Variants in KIAA0408 observed in about 807,000 individuals in gnomAD.
The protein encoded by KIAA0408 is KIAA0408, also known as uncharacterized protein KIAA0408.
A neutral mutation model predicts 60.9 loss-of-function variants in KIAA0408; 51 were observed. That is an observed-to-expected ratio of 0.84 (90% CI 0.67 to 1.06). The LOEUF (loss-of-function observed/expected upper bound fraction) is 1.06. KIAA0408 is among the 50% of genes least tolerant of loss of function. The pLI, the probability that KIAA0408 is intolerant of heterozygous loss-of-function variation, is 0.00. For synonymous variants in KIAA0408, 304 were observed against 282.4 expected (o/e 1.08, Z -0.77); for missense variants, 787 against 833.9 (o/e 0.94, Z 0.69).
rs763575072 is a variant in KIAA0408, at chr6:127,446,462, A to G, written c.1857T>C (p.Ala619=). The change falls in exon 5 of 6, where the codon GCT becomes GCC. Residue 619 remains alanine (A), a synonymous_variant. Transcript: ENST00000483725. ...GCTTCACTTCCTGTCCCCCCCACAC[A>G]GCTGTCTTTTGCTGAAACTGTTGTT... ...QMEQQFQQKT[A]VWGGQEVKQG... is the part of the protein sequence containing the mutation. 1.4e-5 allele frequency: 23 copies of G among 1,613,850 alleles called. No homozygotes were observed. The South Asian group carries it at 2.0e-4, about 14-fold the overall frequency.
intron 2 of KIAA0408, chr6:127,451,144 A>G (rs1455122366): frequency 5.4e-6 from 2 of 369,816 alleles, no homozygotes; most frequent in Non-Finnish European, 1.1e-5. Context: ...TGGGTCATGT[A>G]AAAGCTTGTC....
rs1219664461 is a variant in KIAA0408 at position 127,439,238 on chromosome 6, G to A, written c.*4871C>T. On this transcript the variant is annotated 3_prime_UTR_variant, in exon 6 of 6. Coordinates refer to ENST00000483725, the MANE Select transcript of KIAA0408 (RefSeq NM_014702.5). ...CAAATGAGCCAAGATAATACTTCAAGCAAACTGCTTTTATTTATTCTGGAG... is the reference window on the plus strand; with the variant it reads ...CAAATGAGCCAAGATAATACTTCAAACAAACTGCTTTTATTTATTCTGGAG... The A allele has an allele frequency of 6.6e-6, 1 of 152,178 alleles. No homozygotes were observed. The highest frequency in any genetic ancestry group is 1.9e-4 in the East Asian group (1 of 5,204). 9.4% of individuals were successfully genotyped at this position (152,178 alleles called of 1,614,324 possible). A position where few individuals can be genotyped will look rare whatever the true frequency, so the allele number is the denominator to read the frequency against.
At position 127,453,902 on chromosome 6, in the gene KIAA0408, T is replaced by C. The variant is rs561834562; in HGVS notation, c.80A>G (p.Asn27Ser). Residue 27 changes from asparagine (N) to serine (S), a missense_variant, in exon 2 of 6, where the codon AAT (asparagine) becomes AGT (serine). This residue lies in a region of KIAA0408 where 640 missense variants were observed against 681.3 expected (regional missense o/e 0.94). Transcript: ENST00000483725. ...EKMELLDQFD[N>S]ERKEWESQWK... ...TTGACTTTCCCATTCCTTTCTTTCA[T>C]TGTCAAACTGGTCCAGTAATTCCAT... The C allele has an allele frequency of 1.2e-6, 2 of 1,613,058 alleles. No individual in the cohort carries two copies. Among genetic ancestry groups the C allele is most frequent in the East Asian group, 2.2e-5 (1 of 44,846 alleles).
In KIAA0408 at chr6:127,446,511, T is replaced by C; in HGVS notation, c.1808A>G (p.Gln603Arg). The C allele has an allele frequency of 6.2e-7, 1 of 1,614,202 alleles. No homozygotes were observed. Among genetic ancestry groups the C allele is most frequent in the Non-Finnish European group, 8.5e-7 (1 of 1,180,026 alleles). The change falls in exon 5 of 6, where the codon CAG (glutamine) becomes CGG (arginine). Residue 603 changes from glutamine to arginine, a missense_variant. Coordinates refer to ENST00000483725, the MANE Select transcript of KIAA0408 (RefSeq NM_014702.5). Reference sequence around the variant, plus strand: ...TTCCATTTGGAGCATTTCTAAATGCTGACTTAATGTGGCACCACCACTGAC... The same window carrying C: ...TTCCATTTGGAGCATTTCTAAATGCCGACTTAATGTGGCACCACCACTGAC... Reference protein sequence around the residue: ...SDVSGGATLSQHLEMLQMEQQ... With the variant: ...SDVSGGATLSRHLEMLQMEQQ...
chr6:127,444,685 T>C lies in KIAA0408; in HGVS notation c.1912-403A>G, dbSNP rs1773159438. On this transcript the variant is annotated intron_variant, in intron 5 of 5. Transcript: ENST00000483725. ...TAATTTATAGAAGAAACTGTTCATTTATGTCAAATTCATTGACACTTTTAG... is the reference window on the plus strand; with the variant it reads ...TAATTTATAGAAGAAACTGTTCATTCATGTCAAATTCATTGACACTTTTAG... Among the ~76,000 whole-genome samples, 9 of 152,218 alleles carry C rather than the reference T, an allele frequency of 5.9e-5. No individual in the cohort carries two copies. The South Asian group carries it at 1.9e-3, about 32-fold the overall frequency.
chr6:127,457,874 T>C (rs1381429180), intron 1 of KIAA0408, among the ~76,000 whole-genome samples: 1 of 152,204 alleles, frequency 6.6e-6, no homozygotes, highest in Admixed American at 6.5e-5. Flanking sequence ...CATTGAAAAC[T>C]GGACTGCATC....
intron 5 of KIAA0408, among the ~76,000 whole-genome samples, chr6:127,445,327 T>C (rs1172585365): frequency 6.6e-6 from 1 of 152,206 alleles, no homozygotes; most frequent in Non-Finnish European, 1.5e-5. Context: ...TTGGTTATTG[T>C]ACAGATATAT....
chr6:127,448,884 T>C (rs1339055641), intron 4 of KIAA0408, among the ~76,000 whole-genome samples: 1 of 152,192 alleles, frequency 6.6e-6, no homozygotes, highest in Non-Finnish European at 1.5e-5. Flanking sequence ...AATCCATCTT[T>C]ACTAAACTTG....
intron 4 of KIAA0408, among the ~76,000 whole-genome samples, chr6:127,449,284 A>G (rs1040487937): frequency 3.3e-5 from 5 of 152,220 alleles, no homozygotes; most frequent in African/African-American, 1.2e-4. Flanking sequence ...GAAAAAGAGT[A>G]AAGTATTACT....
Position 127,450,281 on chromosome 6 carries a change from A to C in KIAA0408, c.207T>G (p.His69Gln). The change falls in exon 3 of 6, where the codon CAT becomes CAG. Residue 69 changes from histidine (H) to glutamine (Q), a missense_variant. His to Gln is a conservative substitution (Grantham distance 24). Coordinates refer to ENST00000483725, the MANE Select transcript of KIAA0408 (RefSeq NM_014702.5). ...TCACTTTCTCTGGAATGGTCTTCTC[A>C]TGGTAAAGATCAATGATCTTAGCAC... ...NESAKIIDLYHEKTIPEKVIE... is the reference protein window; with the variant it reads ...NESAKIIDLYQEKTIPEKVIE... The C allele has an allele frequency of 6.2e-7, 1 of 1,613,760 alleles. No individual in the cohort carries two copies.
At chr6:127,445,002 A>C (rs562088251) in intron 5 of KIAA0408, among the ~76,000 whole-genome samples, 1 of 152,144 alleles carries the variant, frequency 6.6e-6, no homozygotes, top group African/African-American at 2.4e-5. Flanking sequence ...CAAAGCTTCC[A>C]TGACACACTT....
rs575346250 is a variant in KIAA0408, at chr6:127,440,287, T to G, written c.*3822A>C. 1 of 151,958 alleles carries G rather than the reference T, an allele frequency of 6.6e-6. No individual in the cohort carries two copies. Among genetic ancestry groups the G allele is most frequent in the Admixed American group, 6.6e-5 (1 of 15,246 alleles). The allele number at this position is 151,958 out of a possible 1,614,324, so 9.4% of individuals were successfully genotyped here. ...AAGCACATTTTCTTGTAGGAACATA[T>G]TTTCAGGGTGAGATGAACAAGTCAT... On this transcript the variant is annotated 3_prime_UTR_variant, in exon 6 of 6. Coordinates refer to ENST00000483725, the MANE Select transcript of KIAA0408 (RefSeq NM_014702.5).
rs528888166 is a variant in KIAA0408 at position 127,450,281 on chromosome 6, A to G, written c.207T>C (p.His69=). 5 of 1,613,642 alleles carry G rather than the reference A, an allele frequency of 3.1e-6. No individual in the cohort carries two copies. The highest frequency in any genetic ancestry group is 4.2e-6 in the Non-Finnish European group (5 of 1,179,936). ...NESAKIIDLY[H]EKTIPEKVIE... ...TCACTTTCTCTGGAATGGTCTTCTCATGGTAAAGATCAATGATCTTAGCAC... is the reference window on the plus strand; with the variant it reads ...TCACTTTCTCTGGAATGGTCTTCTCGTGGTAAAGATCAATGATCTTAGCAC... The change falls in exon 3 of 6, where the codon CAT becomes CAC. Residue 69 remains histidine (H), a synonymous_variant. Transcript: ENST00000483725.
Position 127,447,388 on chromosome 6 carries a change from G to C in KIAA0408, c.931C>G (p.Pro311Ala). 3 of 1,612,516 alleles carry C rather than the reference G, an allele frequency of 1.9e-6. No homozygotes were observed. The highest frequency in any genetic ancestry group is 2.5e-6 in the Non-Finnish European group (3 of 1,179,562). The stretch of plus-strand genomic sequence containing the variant: ...TCTTGTTGTCTCAAAGGGAAGTGAG[G>C]GTTGTAATTCCTTTTACTTCGACCC... ...HEGRSKRNYN[P>A]HFPLRQQEMS... Residue 311 changes from proline (P) to alanine (A), a missense_variant, in exon 5 of 6, where the codon CCT (proline) becomes GCT (alanine). Pro to Ala is a conservative substitution (Grantham distance 27). This residue lies in a region of KIAA0408 where 640 missense variants were observed against 681.3 expected (regional missense o/e 0.94). Transcript: ENST00000483725.
chr6:127,458,262 A>G (rs1427308637), intron 1 of KIAA0408, among the ~76,000 whole-genome samples: 1 of 152,202 alleles, frequency 6.6e-6, no homozygotes, highest in Non-Finnish European at 1.5e-5. Context: ...TGAATTAATA[A>G]ATCTCATTCC....
At chr6:127,454,317 A>G in intron 1 of KIAA0408, 1 of 212,548 alleles carries the variant, frequency 4.7e-6, no homozygotes, top group South Asian at 1.6e-4. Context: ...ACCAGACAGC[A>G]AAATTATAGT....
chr6:127,441,838 G>A lies in KIAA0408; in HGVS notation c.*2271C>T, dbSNP rs909513080. Reference sequence around the variant, plus strand: ...GTTTTACAATCAAGGAGTTGGACTAGATGCTATTTTTTTTTTCTCAGCTCT... The same window carrying A: ...GTTTTACAATCAAGGAGTTGGACTAAATGCTATTTTTTTTTTCTCAGCTCT... On this transcript the variant is annotated 3_prime_UTR_variant, in exon 6 of 6. Coordinates refer to ENST00000483725, the MANE Select transcript of KIAA0408 (RefSeq NM_014702.5). The A allele has an allele frequency of 2.0e-5, 3 of 152,050 alleles. No homozygotes were observed. The highest frequency in any genetic ancestry group is 2.9e-5 in the Non-Finnish European group (2 of 68,002). 9.4% of individuals were successfully genotyped at this position (152,050 alleles called of 1,614,324 possible). A position where few individuals can be genotyped will look rare whatever the true frequency, so the allele number is the denominator to read the frequency against.
In KIAA0408 at chr6:127,442,957, T is replaced by C. The variant is rs746456710; in HGVS notation, c.*1152A>G. ...CCAAAATACACATTTCTATTCCTGA[T>C]GCTACTGTGGATGTCAAGGTTTAGT... On this transcript the variant is annotated 3_prime_UTR_variant, in exon 6 of 6. Coordinates refer to ENST00000483725, the MANE Select transcript of KIAA0408 (RefSeq NM_014702.5). 1 of 152,204 alleles carries C rather than the reference T, an allele frequency of 6.6e-6. No individual in the cohort carries two copies. Among genetic ancestry groups the C allele is most frequent in the Non-Finnish European group, 1.5e-5 (1 of 68,036 alleles). The allele number at this position is 152,204 out of a possible 1,614,324, so 9.4% of individuals were successfully genotyped here. A position where few individuals can be genotyped will look rare whatever the true frequency, so the allele number is the denominator to read the frequency against.
In KIAA0408 at chr6:127,442,345, C is replaced by T. The variant is rs1223939528; in HGVS notation, c.*1764G>A. The T allele has an allele frequency of 2.0e-5, 3 of 152,252 alleles. No individual in the cohort carries two copies. The highest frequency in any genetic ancestry group is 4.4e-5 in the Non-Finnish European group (3 of 68,082). The allele number at this position is 152,252 out of a possible 1,614,324, so 9.4% of individuals were successfully genotyped here. Reference sequence around the variant, plus strand: ...TCCTAACAGGTCCGTCATTTTATGACCCAGGGTTCCTCTTTCCTGGTGTTT... The same window carrying T: ...TCCTAACAGGTCCGTCATTTTATGATCCAGGGTTCCTCTTTCCTGGTGTTT... On this transcript the variant is annotated 3_prime_UTR_variant, in exon 6 of 6. Coordinates refer to ENST00000483725, the MANE Select transcript of KIAA0408 (RefSeq NM_014702.5).
Sources: gnomAD v4.1 joint callset for allele counts (sites outside exome capture counted in the v4.1 genomes callset) on GRCh38, gnomAD v4.1.1 for gene constraint, gnomAD v4.1.1 regional missense constraint, MANE v1.5 for transcripts, NCBI Gene and HGNC (gene_info 2026-07-23, HGNC 2026-07-21) for gene names.